Variants in CHN2 observed in about 807,000 individuals in gnomAD.
The protein encoded by CHN2 is chimerin 2.
A neutral mutation model predicts 56.3 loss-of-function variants in CHN2; 35 were observed. The observed-to-expected ratio is 0.62, with a 90% confidence interval of 0.47 to 0.82. CHN2 has a LOEUF of 0.82. Ranked by LOEUF, CHN2 falls within the 40% of genes least tolerant of loss-of-function variation. The pLI is 0.00. For missense variants in CHN2, 491 were observed against 580.5 expected, an observed-to-expected ratio of 0.85 and a Z score of 1.58; for synonymous variants, 210 against 212.8, an observed-to-expected ratio of 0.99 and a Z score of 0.12.
exon 2 of CHN2, chr7:29,146,933 G>T (rs1311078165): frequency 2.6e-6 from 4 of 1,551,168 alleles, no homozygotes; most frequent in Non-Finnish European, 3.5e-6. Flanking sequence ...CACGTTCGCT[G>T]ATGGTCTACA....
Position 29,433,309 on chromosome 7 carries a change from A to G in CHN2, c.576+32481A>G, listed in dbSNP as rs574106462. On this transcript the variant is annotated intron_variant, in intron 6 of 12. Coordinates refer to ENST00000222792, the MANE Select transcript of CHN2 (RefSeq NM_004067.4). The stretch of plus-strand genomic sequence containing the variant: ...GGGTCAAGGAAAATCTTGTGAGTGA[A>G]ATGGGATTTGAAAGATGTGTAGAAC... Among the ~76,000 whole-genome samples, 220 of 152,354 alleles carry G rather than the reference A, an allele frequency of 1.4e-3. 1 individual carries two copies. The highest frequency in any genetic ancestry group is 3.4e-3 in the Middle Eastern group (1 of 294).
chr7:29,387,245 T>C (rs1006098220), intron 3 of CHN2, among the ~76,000 whole-genome samples: 1 of 152,184 alleles, frequency 6.6e-6, no homozygotes, highest in Non-Finnish European at 1.5e-5. Flanking sequence ...TCATCTAATC[T>C]GTGAAACAGC....
Position 29,468,156 on chromosome 7 carries a change from G to A in CHN2, c.577-12123G>A, listed in dbSNP as rs1418551213. ...AACGGACCCGCCCCCCCCCCCCCCC[G>A]CCCGACTACCCAAAATTTTGTTTGG... is the stretch of plus-strand genomic sequence containing the variant. On this transcript the variant is annotated intron_variant, in intron 6 of 12. Coordinates refer to ENST00000222792, the MANE Select transcript of CHN2 (RefSeq NM_004067.4). Among the ~76,000 whole-genome samples, 20 of 26,482 alleles carry A rather than the reference G, an allele frequency of 7.6e-4. 1 individual carries two copies. The highest frequency in any genetic ancestry group is 5.4e-3 in the East Asian group (5 of 934). The allele number at this position is 26,482 out of a possible 152,430, so 17.4% of individuals were successfully genotyped here.
chr7:29,363,810 G>A (rs1297298010), intron 2 of CHN2, among the ~76,000 whole-genome samples: 1 of 152,100 alleles, frequency 6.6e-6, no homozygotes, highest in Non-Finnish European at 1.5e-5. Context: ...CGAGCCATGT[G>A]GATATCTTGG....
chr7:29,284,121 G>A (rs971588747), intron 1 of CHN2, among the ~76,000 whole-genome samples: 5 of 151,238 alleles, frequency 3.3e-5, no homozygotes, highest in Non-Finnish European at 4.4e-5. Flanking sequence ...TTTTTGAGAC[G>A]GAGTCTGGCT....
At chr7:29,274,232 A>G (rs1790992261) in intron 1 of CHN2, among the ~76,000 whole-genome samples, 1 of 152,208 alleles carries the variant, frequency 6.6e-6, no homozygotes, top group Admixed American at 6.5e-5. Flanking sequence ...GACTGGCAAC[A>G]GGATAATCCA....
At chr7:29,306,833 T>G (rs1794206642) in intron 1 of CHN2, among the ~76,000 whole-genome samples, 1 of 152,212 alleles carries the variant, frequency 6.6e-6, no homozygotes, top group Non-Finnish European at 1.5e-5. Context: ...GTGGAATGGC[T>G]TTGGGTGATT....
At chr7:29,310,010 G>A (rs1794467532) in intron 1 of CHN2, among the ~76,000 whole-genome samples, 1 of 152,228 alleles carries the variant, frequency 6.6e-6, no homozygotes, top group African/African-American at 2.4e-5. Flanking sequence ...CTCTCATGGG[G>A]CAGGCACATG....
chr7:29,271,370 A>C (rs3793309), intron 1 of CHN2, among the ~76,000 whole-genome samples: 64,782 of 152,064 alleles, frequency 0.43, 15,999 homozygotes, highest in African/African-American at 0.69. Flanking sequence ...GCCTTTTTAA[A>C]ACAAAACTTC....
At chr7:29,357,846 T>C (rs956948300) in intron 2 of CHN2, among the ~76,000 whole-genome samples, 1 of 152,234 alleles carries the variant, frequency 6.6e-6, no homozygotes, top group African/African-American at 2.4e-5. Flanking sequence ...ATTTGTTTTA[T>C]TTTAAATAAA....
chr7:29,243,622 C>T (rs1787855499), intron 1 of CHN2, among the ~76,000 whole-genome samples: 1 of 152,114 alleles, frequency 6.6e-6, no homozygotes, highest in South Asian at 2.1e-4. Flanking sequence ...TGAGAAGGAT[C>T]TTAAAATACT....
intron 6 of CHN2, among the ~76,000 whole-genome samples, chr7:29,449,343 A>C (rs913995635): frequency 6.6e-6 from 1 of 152,238 alleles, no homozygotes; most frequent in Non-Finnish European, 1.5e-5. Context: ...TCCTTAAATC[A>C]ATAGAAATCA....
intron 1 of CHN2, chr7:29,200,633 G>A (rs1320170575): frequency 6.6e-6 from 1 of 151,986 alleles, no homozygotes; most frequent in Non-Finnish European, 1.5e-5. Context: ...GGCCCATGGG[G>A]AAGGAAGCTG....
chr7:29,383,513 C>T (rs1372506751), intron 3 of CHN2, among the ~76,000 whole-genome samples: 1 of 152,182 alleles, frequency 6.6e-6, no homozygotes, highest in Non-Finnish European at 1.5e-5. Context: ...GAGTCAAAGG[C>T]TAATCTCTTG....
intron 2 of CHN2, among the ~76,000 whole-genome samples, chr7:29,162,343 A>G (rs1172407984): frequency 1.3e-5 from 2 of 152,214 alleles, no homozygotes; most frequent in Admixed American, 6.5e-5. Flanking sequence ...CTACTGATAC[A>G]TGAAACAGCT....
intron 2 of CHN2, among the ~76,000 whole-genome samples, chr7:29,173,169 A>G (rs1418420884): frequency 6.6e-6 from 1 of 152,094 alleles, no homozygotes; most frequent in Non-Finnish European, 1.5e-5. Flanking sequence ...TAGTTTTTAA[A>G]AAAACATTTT....
chr7:29,271,627 A>T (rs1468807731), intron 1 of CHN2, among the ~76,000 whole-genome samples: 1 of 152,232 alleles, frequency 6.6e-6, no homozygotes, highest in Non-Finnish European at 1.5e-5. Flanking sequence ...TAACACTTAT[A>T]AGGAAGAAAC....
chr7:29,384,627 T>G (rs1800783862), intron 3 of CHN2, among the ~76,000 whole-genome samples: 1 of 152,128 alleles, frequency 6.6e-6, no homozygotes, highest in African/African-American at 2.4e-5. Flanking sequence ...TTTGTATGAG[T>G]GTGTCTGGGT....
intron 2 of CHN2, among the ~76,000 whole-genome samples, chr7:29,149,448 C>T (rs975015294): frequency 9.2e-5 from 14 of 152,104 alleles, no homozygotes; most frequent in African/African-American, 2.9e-4. Context: ...CCTGCCTTGG[C>T]CTCCCAAAGT....
Sources: allele counts gnomAD v4.1 joint callset (sites outside exome capture counted in the v4.1 genomes callset), GRCh38; gene constraint gnomAD v4.1.1; transcripts MANE v1.5; gene names NCBI Gene and HGNC (gene_info 2026-07-23, HGNC 2026-07-21).